The following TMEM192 variants were observed in gnomAD, a reference collection of about 807,000 sequenced individuals.
The protein encoded by TMEM192 is transmembrane protein 192.
In TMEM192, 20 loss-of-function variants were observed where a neutral mutation model predicts 26.7. That is an observed-to-expected ratio of 0.75 (90% CI 0.53 to 1.09). TMEM192 has a LOEUF of 1.09. TMEM192 is among the 50% of genes least tolerant of loss of function. TMEM192 has a pLI of 0.00. For missense variants in TMEM192, 304 were observed against 322.6 expected (o/e 0.94, Z 0.44); for synonymous variants, 124 against 121.0 (o/e 1.02, Z -0.16).
intron 3 of TMEM192, among the ~76,000 whole-genome samples, chr4:165,089,116 A>T (rs1734694351): frequency 6.8e-6 from 1 of 147,118 alleles, no homozygotes. Flanking sequence ...CTTAGGTTTG[A>T]TGAAGAATGG....
At chr4:165,093,435 G>GA (rs575900005) in intron 3 of TMEM192, among the ~76,000 whole-genome samples, 1 of 151,638 alleles carries the variant, frequency 6.6e-6, no homozygotes, top group African/African-American at 2.4e-5. Flanking sequence ...TACATGCTAG[G>GA]AAAAAAAACT....
intron 1 of TMEM192, among the ~76,000 whole-genome samples, chr4:165,112,128 A>C (rs1215024731): frequency 6.6e-6 from 1 of 152,170 alleles, no homozygotes; most frequent in Non-Finnish European, 1.5e-5. Flanking sequence ...AATCTATCAA[A>C]GATTTAAAAA....
At chr4:165,089,081 A>C (rs56025143) in intron 3 of TMEM192, among the ~76,000 whole-genome samples, 1,527 of 150,832 alleles carry the variant, frequency 0.01, 15 homozygotes, top group African/African-American at 0.022. Context: ...AAGAAATGAA[A>C]GACCCAGAGA....
chr4:165,084,361 G>A (rs1047684143), intron 5 of TMEM192, among the ~76,000 whole-genome samples: 2 of 151,350 alleles, frequency 1.3e-5, no homozygotes, highest in African/African-American at 4.9e-5. Context: ...ACTGTGCCTG[G>A]CTAGTTTTTG....
At position 165,075,766 on chromosome 4, in the gene TMEM192, C is replaced by T. The variant is rs1734364746; in HGVS notation, c.*3892G>A. 6.6e-6 allele frequency: 1 copy of T among 152,034 alleles called. No homozygotes were observed. The highest frequency in any genetic ancestry group is 1.5e-5 in the Non-Finnish European group (1 of 68,046). 9.4% of individuals were successfully genotyped at this position (152,034 alleles called of 1,614,324 possible). On this transcript the variant is annotated 3_prime_UTR_variant, in exon 6 of 6. Transcript: ENST00000306480. ...TGTATTCTTAGTAGAGATGGGGTTTCACCATCTTGGCCAGGCTGGTCTCTA... is the reference window on the plus strand; with the variant it reads ...TGTATTCTTAGTAGAGATGGGGTTTTACCATCTTGGCCAGGCTGGTCTCTA...
intron 2 of TMEM192, 79 bp from the exon 3 acceptor site, chr4:165,100,971 C>CTTTTTTTT (rs71602569): frequency 2.6e-6 from 2 of 773,264 alleles, no homozygotes; most frequent in East Asian, 3.7e-5. Flanking sequence ...AGCATACATT[C>CTTTTTTTT]TTTTTTTTTT....
intron 3 of TMEM192, 132 bp from the exon 4 acceptor site, chr4:165,088,734 G>A (rs1040338019): frequency 5.2e-5 from 48 of 914,586 alleles, no homozygotes; most frequent in Non-Finnish European, 7.4e-5. Flanking sequence ...TGAGTGATCA[G>A]AGCCTTCAGA....
Position 165,078,108 on chromosome 4 carries a change from C to T in TMEM192, c.*1550G>A, listed in dbSNP as rs960060324. On this transcript the variant is annotated 3_prime_UTR_variant, in exon 6 of 6. Coordinates refer to ENST00000306480, the MANE Select transcript of TMEM192 (RefSeq NM_001100389.2). ...TTAGTAGAAAACTTTTAGAATGCCC[C>T]GGCAATGGCTGTATCTAAAAGAAAC... 1 of 151,932 alleles carries T rather than the reference C, an allele frequency of 6.6e-6. No individual in the cohort carries two copies. Among genetic ancestry groups the T allele is most frequent in the African/African-American group, 2.4e-5 (1 of 41,344 alleles). 9.4% of individuals were successfully genotyped at this position (151,932 alleles called of 1,614,324 possible).
intron 3 of TMEM192, among the ~76,000 whole-genome samples, chr4:165,090,213 GAAAAAAA>G (rs35732863): frequency 2.1e-4 from 11 of 52,072 alleles, no homozygotes; most frequent in South Asian, 1.9e-3. Flanking sequence ...CTCCGTCTTG[GAAAAAAA>G]AAAAAAAAAA....
chr4:165,098,842 C>A (rs1293029414), intron 3 of TMEM192, among the ~76,000 whole-genome samples: 1 of 151,468 alleles, frequency 6.6e-6, no homozygotes, highest in South Asian at 2.1e-4. Context: ...GGACTACAGG[C>A]GCGTGCCACC....
chr4:165,099,105 T>C (rs74952142), intron 3 of TMEM192, among the ~76,000 whole-genome samples: 1 of 142,914 alleles, frequency 7.0e-6, no homozygotes, highest in Non-Finnish European at 1.5e-5. Context: ...TTTCTTTCTT[T>C]TTTTTTTTTT....
intron 2 of TMEM192, among the ~76,000 whole-genome samples, chr4:165,101,260 G>A (rs1452366012): frequency 1.3e-5 from 2 of 152,128 alleles, no homozygotes; most frequent in African/African-American, 4.8e-5. Context: ...ACAGGTGTGA[G>A]CCACCGCACC....
At position 165,078,326 on chromosome 4, in the gene TMEM192, G is replaced by A. The variant is rs1734435567; in HGVS notation, c.*1332C>T. 1 of 152,026 alleles carries A rather than the reference G, an allele frequency of 6.6e-6. No individual in the cohort carries two copies. The highest frequency in any genetic ancestry group is 6.6e-5 in the Admixed American group (1 of 15,236). The allele number at this position is 152,026 out of a possible 1,614,324, so 9.4% of individuals were successfully genotyped here. ...AGCCTTCAACCAAAAGTCTTTCTAA[G>A]GCAGCATATAACAGTGCTAACAGCA... On this transcript the variant is annotated 3_prime_UTR_variant, in exon 6 of 6. Transcript: ENST00000306480.
At chr4:165,092,109 G>GTTT (rs1395846037) in intron 3 of TMEM192, among the ~76,000 whole-genome samples, 8 of 73,406 alleles carry the variant, frequency 1.1e-4, no homozygotes, top group African/African-American at 2.1e-4. Context: ...TCTTAATGCT[G>GTTT]TTCTTTTTTT....
intron 3 of TMEM192, among the ~76,000 whole-genome samples, chr4:165,094,847 A>G (rs530623618): frequency 6.9e-6 from 1 of 144,440 alleles, no homozygotes; most frequent in African/African-American, 2.6e-5. Context: ...GGTAGCGCAC[A>G]CCTGTAATCC....
At chr4:165,108,314 G>C (rs868665458) in intron 1 of TMEM192, among the ~76,000 whole-genome samples, 4 of 151,742 alleles carry the variant, frequency 2.6e-5, no homozygotes, top group Admixed American at 6.6e-5. Context: ...GTAGAGACAG[G>C]GTTCCACCAT....
At chr4:165,096,035 G>A (rs933110909) in intron 3 of TMEM192, among the ~76,000 whole-genome samples, 5 of 150,854 alleles carry the variant, frequency 3.3e-5, no homozygotes, top group African/African-American at 1.2e-4. Context: ...GACATCAGGT[G>A]ATCTGCCTGC....
At chr4:165,086,235 TAATC>T (rs1409982671) in intron 4 of TMEM192, among the ~76,000 whole-genome samples, 3 of 151,994 alleles carry the variant, frequency 2.0e-5, no homozygotes, top group African/African-American at 7.3e-5. Context: ...GCCCAGGAAT[TAATC>T]ACACAGACTA....
intron 4 of TMEM192, among the ~76,000 whole-genome samples, chr4:165,087,815 T>A (rs1734658165): frequency 6.6e-6 from 1 of 152,200 alleles, no homozygotes; most frequent in Non-Finnish European, 1.5e-5. Flanking sequence ...ATTACAGACA[T>A]GAGCCACTGT....
Sources: allele counts gnomAD v4.1 joint callset (sites outside exome capture counted in the v4.1 genomes callset), GRCh38; gene constraint gnomAD v4.1.1; transcripts MANE v1.5; gene names NCBI Gene and HGNC (gene_info 2026-07-23, HGNC 2026-07-21).